The following LARGE1 variants were observed in gnomAD, a reference collection of about 807,000 sequenced individuals.
The protein encoded by LARGE1 is xylosyl- and glucuronyltransferase LARGE1.
In LARGE1, 43 loss-of-function variants were observed where a neutral mutation model predicts 87.6. The ratio of observed to expected loss-of-function variants is 0.49; its 90% CI spans 0.38 to 0.63. The LOEUF (loss-of-function observed/expected upper bound fraction) is 0.63. LARGE1 is among the 30% of genes least tolerant of loss of function. The pLI is 0.00. For synonymous variants in LARGE1, 434 were observed against 394.6 expected (o/e 1.10, Z -1.18); for missense variants, 802 against 1,000.2 (o/e 0.80, Z 2.67).
At chr22:33,874,883 A>G (rs1159732617) in intron 1 of LARGE1, among the ~76,000 whole-genome samples, 6 of 152,344 alleles carry the variant, frequency 3.9e-5, no homozygotes, top group Admixed American at 3.9e-4. Flanking sequence ...AGTGCTTTAC[A>G]TGGATTAATA....
intron 1 of LARGE1, among the ~76,000 whole-genome samples, chr22:33,870,671 C>G (rs1034738053): frequency 6.6e-6 from 1 of 152,182 alleles, no homozygotes; most frequent in African/African-American, 2.4e-5. Flanking sequence ...CGGGTTCCAG[C>G]GATTCTCCTG....
At chr22:33,416,905 A>ATTTTTTTTTT (rs1569145162) in intron 7 of LARGE1, among the ~76,000 whole-genome samples, 1 of 52,218 alleles carries the variant, frequency 1.9e-5, no homozygotes, top group African/African-American at 1.6e-4. Context: ...CCACGCCCGG[A>ATTTTTTTTTT]CTTTTTTTTT....
At chr22:33,909,388 C>G (rs913859845) in intron 1 of LARGE1, among the ~76,000 whole-genome samples, 2 of 152,164 alleles carry the variant, frequency 1.3e-5, no homozygotes, top group Non-Finnish European at 2.9e-5. Flanking sequence ...CATCTCTCCC[C>G]GCTTCAATTT....
At chr22:33,299,732 G>GC (rs1342488738) in intron 12 of LARGE1, among the ~76,000 whole-genome samples, 1 of 152,190 alleles carries the variant, frequency 6.6e-6, no homozygotes, top group Non-Finnish European at 1.5e-5. Context: ...GAAGCAAGCA[G>GC]CCCCAACTCA....
intron 2 of LARGE1, among the ~76,000 whole-genome samples, chr22:33,683,129 T>C (rs1185206066): frequency 6.6e-6 from 1 of 152,118 alleles, no homozygotes; most frequent in African/African-American, 2.4e-5. Flanking sequence ...GGCTACAGGG[T>C]GCCCAGACAT....
intron 1 of LARGE1, among the ~76,000 whole-genome samples, chr22:33,811,530 A>G (rs1342247646): frequency 6.6e-6 from 1 of 152,182 alleles, no homozygotes; most frequent in Non-Finnish European, 1.5e-5. Flanking sequence ...AGGGAGAAAA[A>G]GTTAACAGCT....
At chr22:33,523,500 T>C (rs945630637) in intron 6 of LARGE1, among the ~76,000 whole-genome samples, 2 of 152,178 alleles carry the variant, frequency 1.3e-5, no homozygotes, top group African/African-American at 4.8e-5. Context: ...ATTTTGAGAT[T>C]AGCCTATTGT....
intron 6 of LARGE1, among the ~76,000 whole-genome samples, chr22:33,455,504 G>A (rs1465119133): frequency 6.6e-6 from 1 of 152,060 alleles, no homozygotes; most frequent in African/African-American, 2.4e-5. Context: ...TGTAATCCCA[G>A]CACTTTGGGA....
intron 1 of LARGE1, among the ~76,000 whole-genome samples, chr22:33,895,238 A>G (rs1200500390): frequency 2.0e-5 from 3 of 152,222 alleles, no homozygotes; most frequent in African/African-American, 7.2e-5. Context: ...CAGAAAACAG[A>G]AAAGCAGGCC....
the LARGE1 span, among the ~76,000 whole-genome samples, chr22:33,130,860 C>T: frequency 1.3e-5 from 2 of 151,538 alleles, no homozygotes; most frequent in East Asian, 2.0e-4. Context: ...GGTGAAACCC[C>T]GTCTCTACTG....
In LARGE1 at chr22:33,609,555, G is replaced by C. The variant is rs902389244; in HGVS notation, c.492-4997C>G. ...AGAAAGGGAGGCATTCAGCAGGGAAGTGCAGTTGACCGTTGAGTAACATGG... is the reference window on the plus strand; with the variant it reads ...AGAAAGGGAGGCATTCAGCAGGGAACTGCAGTTGACCGTTGAGTAACATGG... On this transcript the variant is annotated intron_variant, in intron 4 of 14. Coordinates refer to ENST00000397394, the MANE Select transcript of LARGE1 (RefSeq NM_133642.5). 2.6e-5 allele frequency among the ~76,000 whole-genome samples: 4 copies of C among 152,196 alleles called. No individual in the cohort carries two copies. In the East Asian group the frequency reaches 5.8e-4, roughly 22 times the overall value.
intron 7 of LARGE1, among the ~76,000 whole-genome samples, chr22:33,416,363 T>C (rs2066483175): frequency 6.6e-6 from 1 of 152,186 alleles, no homozygotes; most frequent in Non-Finnish European, 1.5e-5. Flanking sequence ...GCAAAGTCCA[T>C]GCCACCATCC....
intron 5 of LARGE1, among the ~76,000 whole-genome samples, chr22:33,570,969 A>G (rs933120414): frequency 1.3e-5 from 2 of 152,178 alleles, no homozygotes; most frequent in African/African-American, 2.4e-5. Flanking sequence ...AGCACCCCAT[A>G]GAGAAGTCAA....
intron 2 of LARGE1, among the ~76,000 whole-genome samples, chr22:33,719,690 T>G (rs2083032375): frequency 6.6e-6 from 1 of 151,868 alleles, no homozygotes; most frequent in Non-Finnish European, 1.5e-5. Flanking sequence ...CTGGCTAATT[T>G]TTTATATTTT....
intron 1 of LARGE1, among the ~76,000 whole-genome samples, chr22:33,863,247 C>T (rs760757384): frequency 8.5e-5 from 13 of 152,194 alleles, no homozygotes; most frequent in Admixed American, 7.9e-4. Flanking sequence ...TTAATCCAAC[C>T]TCATCAGGTA....
intron 1 of LARGE1, among the ~76,000 whole-genome samples, chr22:33,893,275 C>A (rs1241540226): frequency 6.6e-6 from 1 of 152,204 alleles, no homozygotes; most frequent in East Asian, 1.9e-4. Context: ...CACTGTCCCC[C>A]TTCCTCTTCC....
intron 3 of LARGE1, among the ~76,000 whole-genome samples, chr22:33,631,301 G>A (rs1243718138): frequency 2.6e-5 from 4 of 152,082 alleles, no homozygotes; most frequent in Non-Finnish European, 5.9e-5. Flanking sequence ...CAGAGTAGCT[G>A]GGACTATAAT....
chr22:33,313,928 C>T (rs1168852394), intron 11 of LARGE1, among the ~76,000 whole-genome samples: 2 of 152,214 alleles, frequency 1.3e-5, no homozygotes, highest in Non-Finnish European at 2.9e-5. Context: ...GGTACTTTGT[C>T]ACCTAACAAC....
At chr22:33,625,066 A>G (rs2079879483) in intron 4 of LARGE1, among the ~76,000 whole-genome samples, 1 of 152,216 alleles carries the variant, frequency 6.6e-6, no homozygotes, top group Admixed American at 6.5e-5. Flanking sequence ...ATTCAGGTGC[A>G]GCATTTTACA....
Sources: gnomAD v4.1 joint callset for allele counts (sites outside exome capture counted in the v4.1 genomes callset) on GRCh38, gnomAD v4.1.1 for gene constraint, MANE v1.5 for transcripts, NCBI Gene and HGNC (gene_info 2026-07-23, HGNC 2026-07-21) for gene names.